The following ANK3 variants were observed in gnomAD, a reference collection of about 807,000 sequenced individuals.
ANK3 encodes the protein ankyrin-3.
Under a neutral mutation model 370.9 loss-of-function variants are expected in ANK3, and 57 were observed. The ratio of observed to expected loss-of-function variants is 0.15; its 90% CI spans 0.12 to 0.19. The LOEUF is 0.19. Ranked by LOEUF, ANK3 falls within the 10% of genes least tolerant of loss-of-function variation. The pLI is 1.00. For synonymous variants in ANK3, 1,929 were observed against 1,946.3 expected, an observed-to-expected ratio of 0.99 and a Z score of 0.23; for missense variants, 4,439 against 5,302.1, an observed-to-expected ratio of 0.84 and a Z score of 5.06.
Position 60,086,731 on chromosome 10 carries a change from T to C in ANK3, c.3694A>G (p.Asn1232Asp). 1 of 1,614,086 alleles carries C rather than the reference T, an allele frequency of 6.2e-7. No individual in the cohort carries two copies. Among genetic ancestry groups the C allele is most frequent in the South Asian group, 1.1e-5 (1 of 91,074 alleles). ...VPPPSGEGVS[N>D]GYKGDTTPNL... is the part of the protein sequence containing the mutation. ...GGTGTAGTGTCCCCTTTGTATCCAT[T>C]GGATACACCTTCTCCTGAGGGCGGG... The change falls in exon 30 of 44, where the codon AAT becomes GAT. Residue 1232 changes from asparagine to aspartate, a missense_variant. This residue lies in a region of ANK3 where 702 missense variants were observed against 941.5 expected (regional missense o/e 0.75). Transcript: ENST00000280772.
chr10:60,368,351 C>T (rs1184014560), intron 1 of ANK3, among the ~76,000 whole-genome samples: 1 of 152,012 alleles, frequency 6.6e-6, no homozygotes, highest in Non-Finnish European at 1.5e-5. Context: ...GGAGAAGGTA[C>T]GTATGTGGGG....
At chr10:60,703,951 T>C (rs2079578446) in intron 1 of ANK3, among the ~76,000 whole-genome samples, 1 of 152,146 alleles carries the variant, frequency 6.6e-6, no homozygotes. Context: ...TGATAGGATG[T>C]GGTGGAACTG....
intron 8 of ANK3, among the ~76,000 whole-genome samples, chr10:60,228,363 G>A (rs1445539665): frequency 7.2e-5 from 11 of 151,780 alleles, no homozygotes; most frequent in African/African-American, 2.4e-4. Flanking sequence ...GTGAAACCCC[G>A]TCTCTATTAA....
chr10:60,060,106 T>C (rs2080076896), intron 40 of ANK3: 12 of 857,668 alleles, frequency 1.4e-5, no homozygotes, highest in South Asian at 2.5e-5. Flanking sequence ...GAAAAATGTA[T>C]GATGAATTAC....
chr10:60,551,721 C>T (rs925245084), intron 2 of ANK3, among the ~76,000 whole-genome samples: 1 of 152,004 alleles, frequency 6.6e-6, no homozygotes, highest in African/African-American at 2.4e-5. Context: ...AAAAATTAGG[C>T]TCATTTATAT....
intron 4 of ANK3, among the ~76,000 whole-genome samples, chr10:60,278,386 T>A (rs932576816): frequency 2.0e-5 from 3 of 152,178 alleles, no homozygotes; most frequent in Admixed American, 1.3e-4. Context: ...CAATAATTTA[T>A]CTTTTTGAGA....
At chr10:60,397,661 T>C (rs1007404376) in intron 2 of ANK3, among the ~76,000 whole-genome samples, 1 of 152,236 alleles carries the variant, frequency 6.6e-6, no homozygotes, top group Non-Finnish European at 1.5e-5. Context: ...TTCTCTTTCA[T>C]GTTGTTTTGG....
chr10:60,641,623 A>T (rs1205368338), intron 1 of ANK3, among the ~76,000 whole-genome samples: 2 of 152,028 alleles, frequency 1.3e-5, no homozygotes, highest in Non-Finnish European at 1.5e-5. Flanking sequence ...CTTATACAAA[A>T]ATTAATTCAA....
intron 2 of ANK3, among the ~76,000 whole-genome samples, chr10:60,394,880 T>C (rs1299341992): frequency 6.6e-6 from 1 of 152,032 alleles, no homozygotes; most frequent in Non-Finnish European, 1.5e-5. Flanking sequence ...TTTGATGTGA[T>C]AGGAGGGTTT....
Position 60,063,151 on chromosome 10 carries a change from A to G in ANK3, c.12555T>C (p.Ser4185=). 1 of 1,613,494 alleles carries G rather than the reference A, an allele frequency of 6.2e-7. No homozygotes were observed. Among genetic ancestry groups the G allele is most frequent in the Non-Finnish European group, 8.5e-7 (1 of 1,179,780 alleles). ...GGAAAACATTGTTCTCATCTGCAAA[A>G]CTTCTGGTGCCTGAAATATTTCCAT... ...FDYGNISGTR[S]FADENNVFHD... is the part of the protein sequence containing the mutation. The change falls in exon 40 of 44, where the codon AGT becomes AGC. Residue 4185 remains serine (S), a synonymous_variant. Coordinates refer to ENST00000280772, the MANE Select transcript of ANK3 (RefSeq NM_020987.5).
At chr10:60,682,437 T>C (rs571996465) in intron 1 of ANK3, among the ~76,000 whole-genome samples, 5 of 152,050 alleles carry the variant, frequency 3.3e-5, no homozygotes, top group African/African-American at 7.2e-5. Context: ...ATGATATATA[T>C]TGGATTTTGG....
At chr10:60,431,447 G>A (rs556518193) in intron 2 of ANK3, among the ~76,000 whole-genome samples, 1 of 152,270 alleles carries the variant, frequency 6.6e-6, no homozygotes, top group South Asian at 2.1e-4. Context: ...TTGCTCTCTG[G>A]ACAACTGCTC....
At position 60,438,403 on chromosome 10, in the gene ANK3, A is replaced by G. The variant is rs191225755; in HGVS notation, c.97-158764T>C. On this transcript the variant is annotated intron_variant, in intron 2 of 43. Transcript: ENST00000373827. ...TGAAAGGATGGGATATGAAGCTTCT[A>G]TGAAAATTTACTCTCCCACCTTCCC... Among the ~76,000 whole-genome samples, 67 of 152,270 alleles carry G rather than the reference A, an allele frequency of 4.4e-4. 1 individual carries two copies. The highest frequency in any genetic ancestry group is 1.3e-3 in the African/African-American group (54 of 41,558).
At chr10:60,454,286 A>G (rs988187195) in intron 2 of ANK3, among the ~76,000 whole-genome samples, 1 of 152,200 alleles carries the variant, frequency 6.6e-6, no homozygotes, top group Non-Finnish European at 1.5e-5. Flanking sequence ...ATACACTGGA[A>G]AATGAGAGAG....
chr10:60,713,493 T>C (rs1182664852), intron 1 of ANK3, among the ~76,000 whole-genome samples: 3 of 151,974 alleles, frequency 2.0e-5, no homozygotes, highest in South Asian at 2.1e-4. Flanking sequence ...ATTGAAGAAA[T>C]ATATCAGAAA....
chr10:60,195,644 TCA>T (rs1190907575), intron 16 of ANK3, among the ~76,000 whole-genome samples: 1 of 152,132 alleles, frequency 6.6e-6, no homozygotes, highest in Admixed American at 6.5e-5. Flanking sequence ...ATATACCCAC[TCA>T]GTTTCTCTTT....
intron 8 of ANK3, among the ~76,000 whole-genome samples, chr10:60,222,765 C>G (rs1484591172): frequency 9.8e-6 from 1 of 101,830 alleles, no homozygotes; most frequent in Non-Finnish European, 2.1e-5. Flanking sequence ...TGATAAGAGT[C>G]CCTCCGTTGT....
intron 1 of ANK3, among the ~76,000 whole-genome samples, chr10:60,329,749 T>C (rs1438376307): frequency 2.0e-5 from 3 of 152,236 alleles, no homozygotes; most frequent in African/African-American, 4.8e-5. Flanking sequence ...CTCATCAAGC[T>C]ACCACTGACT....
intron 2 of ANK3, among the ~76,000 whole-genome samples, chr10:60,470,644 T>C (rs2065194689): frequency 6.6e-6 from 1 of 152,034 alleles, no homozygotes; most frequent in African/African-American, 2.4e-5. Context: ...TAGACGCTGA[T>C]GTTGACTTTG....
Sources: gnomAD v4.1 joint callset for allele counts (sites outside exome capture counted in the v4.1 genomes callset) on GRCh38, gnomAD v4.1.1 for gene constraint, gnomAD v4.1.1 regional missense constraint, MANE v1.5 for transcripts, NCBI Gene and HGNC (gene_info 2026-07-23, HGNC 2026-07-21) for gene names.